Variants in TRIP12 observed in about 807,000 individuals in gnomAD.
TRIP12 encodes the protein E3 ubiquitin-protein ligase TRIP12.
In TRIP12, 25 loss-of-function variants were observed where a neutral mutation model predicts 244.2. The observed-to-expected ratio is 0.10, with a 90% confidence interval of 0.07 to 0.14. The LOEUF (loss-of-function observed/expected upper bound fraction) is 0.14. Among genes scored for constraint, TRIP12 ranks in the 10% least tolerant of loss-of-function variants. The pLI is 1.00. For missense variants in TRIP12, 1,677 were observed against 2,486.4 expected (o/e 0.67, Z 6.92); for synonymous variants, 905 against 873.1 (o/e 1.04, Z -0.64).
intron 30 of TRIP12, among the ~76,000 whole-genome samples, chr2:229,790,632 G>A (rs1243696017): frequency 6.6e-6 from 1 of 152,070 alleles, no homozygotes. Context: ...GGGGAAGAGA[G>A]GAAAACTATA....
intron 24 of TRIP12, among the ~76,000 whole-genome samples, chr2:229,797,168 A>G (rs889764802): frequency 6.6e-6 from 1 of 152,220 alleles, no homozygotes; most frequent in Non-Finnish European, 1.5e-5. Flanking sequence ...GGTCTCAGCA[A>G]AATGAACAAT....
chr2:229,814,688 G>A (rs753151102), intron 11 of TRIP12, among the ~76,000 whole-genome samples: 4 of 152,034 alleles, frequency 2.6e-5, no homozygotes, highest in Non-Finnish European at 4.4e-5. Flanking sequence ...TTTGTTGTGC[G>A]TTAAACAAAC....
At chr2:229,896,532 A>AACCTGGGAGGTGAAGGTTGC (rs764850437) in intron 1 of TRIP12, among the ~76,000 whole-genome samples, 174 of 152,210 alleles carry the variant, frequency 1.1e-3, no homozygotes, top group Non-Finnish European at 2.0e-3. Flanking sequence ...GAATCGCTTG[A>AACCTGGGAGGTGAAGGTTGC]ACCTGGGAGG....
At chr2:229,866,266 T>G (rs899691029) in intron 2 of TRIP12, among the ~76,000 whole-genome samples, 1 of 152,202 alleles carries the variant, frequency 6.6e-6, no homozygotes, top group African/African-American at 2.4e-5. Flanking sequence ...TTTTGGCAGC[T>G]TTACCAAGAG....
chr2:229,810,752 A>T (rs1417636642), intron 15 of TRIP12, 128 bp downstream of exon 15: 2 of 893,888 alleles, frequency 2.2e-6, no homozygotes, highest in Non-Finnish European at 1.7e-6. Context: ...ACATATTAAC[A>T]CTTTTCTTTA....
intron 24 of TRIP12, among the ~76,000 whole-genome samples, 163 bp from the exon 25 acceptor site, chr2:229,796,945 A>AAC (rs58071278): frequency 8.5e-4 from 128 of 151,456 alleles, no homozygotes; most frequent in Middle Eastern, 6.8e-3. Context: ...TATGATTTTA[A>AAC]ACACACACAC....
intron 8 of TRIP12, among the ~76,000 whole-genome samples, chr2:229,823,996 G>A (rs913267800): frequency 2.0e-5 from 3 of 152,128 alleles, no homozygotes; most frequent in African/African-American, 4.8e-5. Flanking sequence ...CAAAGGTTAA[G>A]CATGTTGGCA....
intron 1 of TRIP12, among the ~76,000 whole-genome samples, chr2:229,888,705 A>G (rs1426495784): frequency 6.6e-6 from 1 of 152,166 alleles, no homozygotes; most frequent in Non-Finnish European, 1.5e-5. Flanking sequence ...CAGGAGGCTG[A>G]GGTGGAAGGA....
chr2:229,874,808 A>G (rs893751509), intron 2 of TRIP12, among the ~76,000 whole-genome samples: 6 of 152,192 alleles, frequency 3.9e-5, no homozygotes, highest in Non-Finnish European at 5.9e-5. Flanking sequence ...CCAATTTTCT[A>G]TTCTCAATAT....
intron 1 of TRIP12, among the ~76,000 whole-genome samples, chr2:229,899,412 T>C (rs1459357146): frequency 1.3e-5 from 2 of 152,162 alleles, no homozygotes; most frequent in African/African-American, 4.8e-5. Flanking sequence ...TAGAATAAAC[T>C]AGACCAAGAT....
intron 4 of TRIP12, among the ~76,000 whole-genome samples, chr2:229,856,231 T>C (rs547467948): frequency 2.0e-5 from 3 of 152,312 alleles, no homozygotes; most frequent in South Asian, 2.1e-4. Context: ...AGTGATTTAA[T>C]AGTGACAACA....
At chr2:229,841,708 A>G (rs2056457944) in intron 4 of TRIP12, among the ~76,000 whole-genome samples, 1 of 152,214 alleles carries the variant, frequency 6.6e-6, no homozygotes, top group East Asian at 1.9e-4. Flanking sequence ...TACCAATCAT[A>G]TTTCCATGAG....
chr2:229,838,800 A>G (rs566184101), intron 5 of TRIP12, among the ~76,000 whole-genome samples: 6 of 152,356 alleles, frequency 3.9e-5, no homozygotes, highest in Admixed American at 3.9e-4. Context: ...TACTAAATCC[A>G]GATATTTTAA....
rs575439015 is a variant in TRIP12 at position 229,769,914 on chromosome 2, T to A, written c.5809-589A>T. Among the ~76,000 whole-genome samples, 5 of 152,328 alleles carry A rather than the reference T, an allele frequency of 3.3e-5. No individual in the cohort carries two copies. The East Asian group carries it at 9.6e-4, about 29-fold the overall frequency. ...TAAATGCTTTCATGTCCTTATACTT[T>A]GAGAAAATCCAATTTGAGGCCAATG... On this transcript the variant is annotated intron_variant, in intron 39 of 41. Transcript: ENST00000675903.
intron 1 of TRIP12, among the ~76,000 whole-genome samples, chr2:229,899,033 AT>A (rs1183475019): frequency 6.6e-6 from 1 of 152,256 alleles, no homozygotes; most frequent in Non-Finnish European, 1.5e-5. Flanking sequence ...ATAAAATGGT[AT>A]ATTTTCTTTT....
At chr2:229,818,321 G>C (rs1002249975) in intron 9 of TRIP12, 43 bp downstream of exon 9, 1 of 1,596,558 alleles carries the variant, frequency 6.3e-7, no homozygotes, top group Non-Finnish European at 8.5e-7. Flanking sequence ...GCAGATTTCA[G>C]AGGACAAATG....
intron 31 of TRIP12, 65 bp downstream of exon 31, chr2:229,789,546 T>C (rs2154257738): frequency 1.3e-6 from 2 of 1,554,854 alleles, no homozygotes; most frequent in African/African-American, 2.7e-5. Flanking sequence ...TTTCCATTTC[T>C]AGTGCAATAG....
chr2:229,846,903 T>G (rs1312941473), intron 4 of TRIP12, among the ~76,000 whole-genome samples: 1 of 152,212 alleles, frequency 6.6e-6, no homozygotes, highest in Non-Finnish European at 1.5e-5. Context: ...AAGCAGTATT[T>G]ATAATGAGGA....
chr2:229,768,976 C>T (rs1438317042), intron 40 of TRIP12, among the ~76,000 whole-genome samples: 6 of 152,184 alleles, frequency 3.9e-5, no homozygotes, highest in Non-Finnish European at 7.3e-5. Context: ...TAATGGGGAA[C>T]AAGATTAAAT....
Sources: allele counts gnomAD v4.1 joint callset (sites outside exome capture counted in the v4.1 genomes callset), GRCh38; gene constraint gnomAD v4.1.1; transcripts MANE v1.5; gene names NCBI Gene and HGNC (gene_info 2026-07-23, HGNC 2026-07-21).